Variants in CADM2 observed in about 807,000 individuals in gnomAD.
CADM2 encodes immunoglobulin superfamily member 4D.
In CADM2, 12 loss-of-function variants were observed where a neutral mutation model predicts 49.8. The observed-to-expected ratio is 0.24, with a 90% CI of 0.15 to 0.39. The LOEUF is 0.39. Ranked by LOEUF, CADM2 falls within the 10% of genes least tolerant of loss-of-function variation. CADM2 has a pLI of 1.00. For synonymous variants in CADM2, 214 were observed against 175.4 expected, an observed-to-expected ratio of 1.22 and a Z score of -1.74; for missense variants, 378 against 492.3, an observed-to-expected ratio of 0.77 and a Z score of 2.20.
chr3:85,159,418 G>A (rs1027611033), intron 1 of CADM2, among the ~76,000 whole-genome samples: 1 of 151,006 alleles, frequency 6.6e-6, no homozygotes, highest in Non-Finnish European at 1.5e-5. Context: ...TAGGGTTGTA[G>A]ACTGGTCCAT....
intron 1 of CADM2, among the ~76,000 whole-genome samples, chr3:85,495,803 T>G (rs996549796): frequency 6.6e-6 from 1 of 151,530 alleles, no homozygotes; most frequent in Non-Finnish European, 1.5e-5. Context: ...AGTAACAGAG[T>G]GAGGAGTCAT....
intron 1 of CADM2, among the ~76,000 whole-genome samples, chr3:85,297,636 A>G (rs894861583): frequency 1.3e-5 from 2 of 151,882 alleles, no homozygotes; most frequent in African/African-American, 2.4e-5. Flanking sequence ...TATTTTGCCT[A>G]GGCCTCCTCA....
chr3:85,581,203 CTT>C (rs985016346), intron 1 of CADM2, among the ~76,000 whole-genome samples: 4 of 152,006 alleles, frequency 2.6e-5, no homozygotes, highest in African/African-American at 9.7e-5. Flanking sequence ...TCTTTTAAAA[CTT>C]TTCAATGTGC....
chr3:85,040,072 A>C (rs186825137), intron 1 of CADM2, among the ~76,000 whole-genome samples: 1 of 152,186 alleles, frequency 6.6e-6, no homozygotes, highest in Non-Finnish European at 1.5e-5. Context: ...AAGCACACAA[A>C]TATTGAGTAT....
chr3:85,251,762 T>G (rs1193096215), intron 1 of CADM2, among the ~76,000 whole-genome samples: 1 of 151,934 alleles, frequency 6.6e-6, no homozygotes, highest in South Asian at 2.1e-4. Context: ...GAAACCACAT[T>G]TTACATAATA....
At chr3:85,415,664 G>A (rs981327396) in intron 1 of CADM2, among the ~76,000 whole-genome samples, 1 of 152,064 alleles carries the variant, frequency 6.6e-6, no homozygotes. Flanking sequence ...ACATTTTATA[G>A]CACAAGTTCA....
chr3:84,997,915 T>C (rs552870835), intron 1 of CADM2, among the ~76,000 whole-genome samples: 1 of 152,290 alleles, frequency 6.6e-6, no homozygotes, highest in Admixed American at 6.5e-5. Context: ...AATCATTTCC[T>C]TGATTGTCTT....
rs537426577 is a variant in CADM2 at position 85,046,362 on chromosome 3, G to A, written c.61+86694G>A. Reference sequence around the variant, plus strand: ...TTGGAGTCAGATCCATGAATTCATTGTGACCCCAGGCATGGAATTAAACTA... The same window carrying A: ...TTGGAGTCAGATCCATGAATTCATTATGACCCCAGGCATGGAATTAAACTA... On this transcript the variant is annotated intron_variant, in intron 1 of 9. Coordinates refer to ENST00000383699, the MANE Select transcript of CADM2 (RefSeq NM_001167675.2). Among the ~76,000 whole-genome samples the A allele has an allele frequency of 7.6e-5, 8 of 105,712 alleles. No individual in the cohort carries two copies. The South Asian group carries it at 1.8e-3, about 24-fold the overall frequency. 69.4% of individuals were successfully genotyped at this position (105,712 alleles called of 152,430 possible).
intron 1 of CADM2, among the ~76,000 whole-genome samples, chr3:85,317,873 T>C (rs540095526): frequency 7.2e-5 from 11 of 152,128 alleles, no homozygotes; most frequent in African/African-American, 2.7e-4. Context: ...CAGAGCAATA[T>C]GAAAGAGACT....
At chr3:86,012,900 G>A (rs1261626934) in intron 8 of CADM2, 7 of 584,248 alleles carry the variant, frequency 1.2e-5, no homozygotes, top group Non-Finnish European at 2.2e-5. Flanking sequence ...GCGTGAACCC[G>A]GGAGGCGGAG....
intron 1 of CADM2, among the ~76,000 whole-genome samples, chr3:85,269,174 A>C (rs913382267): frequency 6.6e-6 from 1 of 151,424 alleles, no homozygotes; most frequent in Non-Finnish European, 1.5e-5. Flanking sequence ...AGACTGTAAT[A>C]AAAATTAAGC....
chr3:85,256,592 G>A (rs147939148), intron 1 of CADM2, among the ~76,000 whole-genome samples: 2 of 152,124 alleles, frequency 1.3e-5, no homozygotes, highest in African/African-American at 4.8e-5. Flanking sequence ...TGAAACTTGA[G>A]ATTATTTAAT....
At chr3:85,914,088 ATTATTC>A (rs1466183736) in intron 6 of CADM2, among the ~76,000 whole-genome samples, 1 of 152,274 alleles carries the variant, frequency 6.6e-6, no homozygotes, top group East Asian at 1.9e-4. Flanking sequence ...TTATTTTTAA[ATTATTC>A]TTAGTTTAGT....
intron 8 of CADM2, among the ~76,000 whole-genome samples, chr3:86,054,096 T>A (rs1322124976): frequency 6.6e-6 from 1 of 151,944 alleles, no homozygotes; most frequent in Admixed American, 6.6e-5. Context: ...TGAACATAAC[T>A]TAGTACATGA....
At chr3:85,121,582 T>C (rs2038865288) in intron 1 of CADM2, among the ~76,000 whole-genome samples, 1 of 152,330 alleles carries the variant, frequency 6.6e-6, no homozygotes, top group South Asian at 2.1e-4. Context: ...TGTCCATAGA[T>C]GACCTAAGCT....
chr3:85,808,019 A>T (rs148015361), intron 3 of CADM2, among the ~76,000 whole-genome samples: 39 of 152,234 alleles, frequency 2.6e-4, no homozygotes, highest in African/African-American at 9.4e-4. Context: ...GTTCATTGAC[A>T]CCCCATTACT....
intron 1 of CADM2, among the ~76,000 whole-genome samples, chr3:85,564,077 C>T (rs1414147672): frequency 6.6e-6 from 1 of 151,990 alleles, no homozygotes; most frequent in Non-Finnish European, 1.5e-5. Context: ...TGTCAGTTGT[C>T]CCTATTCATG....
chr3:85,787,617 A>G (rs115415552), intron 2 of CADM2, among the ~76,000 whole-genome samples: 30 of 152,226 alleles, frequency 2.0e-4, no homozygotes, highest in African/African-American at 7.0e-4. Context: ...CAAGTACCAT[A>G]TGTTCAGCCT....
chr3:84,994,023 A>G (rs1409516139), intron 1 of CADM2, among the ~76,000 whole-genome samples: 1 of 152,208 alleles, frequency 6.6e-6, no homozygotes, highest in Admixed American at 6.5e-5. Flanking sequence ...TCCTTTCAGC[A>G]TTATGAGATT....
Sources: allele counts gnomAD v4.1 joint callset (sites outside exome capture counted in the v4.1 genomes callset), GRCh38; gene constraint gnomAD v4.1.1; transcripts MANE v1.5; gene names NCBI Gene and HGNC (gene_info 2026-07-23, HGNC 2026-07-21).